Variants in GSPT1 observed in about 807,000 individuals in gnomAD.
The protein encoded by GSPT1 is G1 to S phase transition 1.
GSPT1 carries 20 observed loss-of-function variants against 72.5 expected under a neutral mutation model. That is an observed-to-expected ratio of 0.28 (90% CI 0.19 to 0.40). The LOEUF (loss-of-function observed/expected upper bound fraction) is 0.40, where lower values mean the gene tolerates loss of function less well. Ranked by LOEUF, GSPT1 falls within the 10% of genes least tolerant of loss-of-function variation. The probability of loss-of-function intolerance (pLI) is 1.00; values close to 1 mark genes in which losing one functional copy is unlikely to be tolerated. For missense variants in GSPT1, 580 were observed against 811.9 expected (o/e 0.71, Z 3.47); for synonymous variants, 334 against 293.5 (o/e 1.14, Z -1.41).
intron 5 of GSPT1, 142 bp from the exon 6 acceptor site, chr16:11,891,281 AATATAT>A: frequency 3.8e-6 from 1 of 262,114 alleles, no homozygotes; most frequent in Non-Finnish European, 7.0e-6. Context: ...AAAAATATAA[AATATAT>A]ATATAACATA....
At chr16:11,916,186 G>A (rs2054635455), upstream of GSPT1, 1 of 347,038 alleles carries the variant, frequency 2.9e-6, no homozygotes, top group African/African-American at 2.2e-5. Flanking sequence ...TTCAGGGACA[G>A]GGCGCAACCG....
At chr16:11,883,928 G>A (rs1214677755) in intron 10 of GSPT1, among the ~76,000 whole-genome samples, 1 of 151,114 alleles carries the variant, frequency 6.6e-6, no homozygotes, top group Non-Finnish European at 1.5e-5. Flanking sequence ...AAAAAAAAAG[G>A]TGCAGAAAAC....
intron 14 of GSPT1, among the ~76,000 whole-genome samples, chr16:11,874,484 T>A (rs1022085986): frequency 1.4e-5 from 2 of 141,964 alleles, no homozygotes; most frequent in African/African-American, 5.6e-5. Flanking sequence ...TTTTTTTTTT[T>A]AAAGCCAAGT....
Position 11,893,093 on chromosome 16 carries a change from G to GT in GSPT1, c.698+1860dup, listed in dbSNP as rs567277345. Among the ~76,000 whole-genome samples the GT allele has an allele frequency of 2.2e-3, 330 of 150,996 alleles. 2 individuals carry two copies. The highest frequency in any genetic ancestry group is 7.1e-3 in the African/African-American group (292 of 41,170). Reference sequence around the variant, plus strand: ...TAGGTTTTGTTTTTTGTTTTTGTTTGTTTTTTTTAAGTAAATATAAGGTGG... The same window carrying GT: ...TAGGTTTTGTTTTTTGTTTTTGTTTGTTTTTTTTTAAGTAAATATAAGGTGG... On this transcript the variant is annotated intron_variant, in intron 5 of 14. Transcript: ENST00000434724.
chr16:11,886,380 T>A (rs1596461721), intron 9 of GSPT1, 91 bp downstream of exon 9: 2 of 763,942 alleles, frequency 2.6e-6, no homozygotes, highest in East Asian at 5.4e-5. Context: ...CAAAAGCATA[T>A]GTTAACATGT....
At chr16:11,876,867 C>T (rs551493278) in intron 12 of GSPT1, among the ~76,000 whole-genome samples, 1 of 152,230 alleles carries the variant, frequency 6.6e-6, no homozygotes, top group Non-Finnish European at 1.5e-5. Flanking sequence ...CCAGCTTTAT[C>T]CATTTCTCAA....
intron 1 of GSPT1, chr16:11,915,158 G>A: frequency 5.8e-6 from 6 of 1,034,368 alleles, no homozygotes; most frequent in Non-Finnish European, 5.8e-6. Context: ...TGGGCGCGCT[G>A]CCCGCTGTCC....
At chr16:11,905,730 G>A (rs1419368325) in intron 1 of GSPT1, among the ~76,000 whole-genome samples, 1 of 152,168 alleles carries the variant, frequency 6.6e-6, no homozygotes, top group Non-Finnish European at 1.5e-5. Flanking sequence ...AGCTACTCAG[G>A]AGGCTGTGGC....
rs919975349 is a variant in GSPT1 at position 11,915,749 on chromosome 16, A to T, written c.-29T>A. On this transcript the variant is annotated 5_prime_UTR_variant, in exon 1 of 15. Coordinates refer to ENST00000434724, the MANE Select transcript of GSPT1 (RefSeq NM_002094.4). ...CGGGGGGGCCGTGTGTGTGGTGGACAGAGAGCGGGAAATGGAGGCAGGGGC... is the reference window on the plus strand; with the variant it reads ...CGGGGGGGCCGTGTGTGTGGTGGACTGAGAGCGGGAAATGGAGGCAGGGGC... The T allele has an allele frequency of 3.9e-6, 6 of 1,538,836 alleles. No homozygotes were observed. The highest frequency in any genetic ancestry group is 5.2e-6 in the Non-Finnish European group (6 of 1,148,146).
chr16:11,897,006 G>A (rs1012130847), intron 3 of GSPT1, among the ~76,000 whole-genome samples: 4 of 152,116 alleles, frequency 2.6e-5, no homozygotes, highest in Non-Finnish European at 5.9e-5. Flanking sequence ...TGACTCACAG[G>A]CTGAGATTGC....
At chr16:11,897,786 T>A in intron 3 of GSPT1, 54 bp downstream of exon 3, 2 of 869,790 alleles carry the variant, frequency 2.3e-6, no homozygotes, top group Non-Finnish European at 3.8e-6. Context: ...CCTTAAATCT[T>A]GAGAGTGAAA....
At chr16:11,893,098 T>G (rs2054290337) in intron 5 of GSPT1, among the ~76,000 whole-genome samples, 1 of 151,644 alleles carries the variant, frequency 6.6e-6, no homozygotes, top group African/African-American at 2.4e-5. Flanking sequence ...TGTTTGTTTT[T>G]TTTAAGTAAA....
intron 1 of GSPT1, among the ~76,000 whole-genome samples, chr16:11,907,087 A>G (rs1225960522): frequency 1.3e-5 from 2 of 152,248 alleles, no homozygotes; most frequent in Non-Finnish European, 2.9e-5. Flanking sequence ...AGTATTTTAC[A>G]TCAACACTTG....
At chr16:11,904,446 C>G (rs2054462260) in intron 1 of GSPT1, among the ~76,000 whole-genome samples, 1 of 152,114 alleles carries the variant, frequency 6.6e-6, no homozygotes, top group Non-Finnish European at 1.5e-5. Flanking sequence ...TTGTGATCCG[C>G]CCGCCTTGGC....
In GSPT1 at chr16:11,898,004, T is replaced by C; in HGVS notation, c.384A>G (p.Ser128=). 6.4e-7 allele frequency: 1 copy of C among 1,551,354 alleles called. No individual in the cohort carries two copies. Among genetic ancestry groups the C allele is most frequent in the East Asian group, 2.4e-5 (1 of 41,650 alleles). Reference sequence around the variant, plus strand: ...AGAGTACATCATTACCTTCACACAATGACTGTTCCTCTTGAGAGGATTCCA... The same window carrying C: ...AGAGTACATCATTACCTTCACACAACGACTGTTCCTCTTGAGAGGATTCCA... ...APVESSQEEQ[S]LCEGSNSAVS... The change falls in exon 2 of 15, where the codon TCA becomes TCG. Residue 128 remains serine, a synonymous_variant. Coordinates refer to ENST00000434724, the MANE Select transcript of GSPT1 (RefSeq NM_002094.4).
intron 1 of GSPT1, among the ~76,000 whole-genome samples, chr16:11,910,547 A>T (rs188263016): frequency 2.0e-5 from 3 of 152,324 alleles, no homozygotes; most frequent in Admixed American, 2.0e-4. Flanking sequence ...TTCCATTCCA[A>T]TACTGCTAAC....
At position 11,892,944 on chromosome 16, in the gene GSPT1, A is replaced by T. The variant is rs369901124; in HGVS notation, c.699-1805T>A. On this transcript the variant is annotated intron_variant, in intron 5 of 14. Transcript: ENST00000434724. ...GTAATCATGACTAATTTCACCAGTA[A>T]TAAGGAAGTTTTGATGAATGACTAT... is the stretch of plus-strand genomic sequence containing the variant. 2.8e-4 allele frequency among the ~76,000 whole-genome samples: 43 copies of T among 152,144 alleles called. No homozygotes were observed. The South Asian group carries it at 8.9e-3, about 32-fold the overall frequency.
chr16:11,878,194 C>G (rs1018434887), intron 11 of GSPT1, among the ~76,000 whole-genome samples: 13 of 152,170 alleles, frequency 8.5e-5, no homozygotes, highest in African/African-American at 2.7e-4. Flanking sequence ...TGGCTCACTG[C>G]AACCTCTGCC....
chr16:11,904,392 T>A (rs574472813), intron 1 of GSPT1, among the ~76,000 whole-genome samples: 1 of 151,374 alleles, frequency 6.6e-6, no homozygotes, highest in African/African-American at 2.4e-5. Flanking sequence ...TTAGTAGAGA[T>A]GGGGTTTCAC....
Sources: allele counts gnomAD v4.1 joint callset (sites outside exome capture counted in the v4.1 genomes callset), GRCh38; gene constraint gnomAD v4.1.1; transcripts MANE v1.5; gene names NCBI Gene and HGNC (gene_info 2026-07-23, HGNC 2026-07-21).